RPS6KA2: variants seen among roughly 807,000 people sequenced by gnomAD.
RPS6KA2 encodes ribosomal protein S6 kinase A2.
A neutral mutation model predicts 91.8 loss-of-function variants in RPS6KA2; 42 were observed. That is an observed-to-expected ratio of 0.46 (90% CI 0.36 to 0.59). The LOEUF (loss-of-function observed/expected upper bound fraction) is 0.59. RPS6KA2 is among the 20% of genes least tolerant of loss of function. The pLI, the probability that RPS6KA2 is intolerant of heterozygous loss-of-function variation, is 0.00. For synonymous variants in RPS6KA2, 414 were observed against 393.6 expected (o/e 1.05, Z -0.61); for missense variants, 798 against 978.5 (o/e 0.82, Z 2.46).
chr6:166,804,818 C>T (rs1583138095), intron 2 of RPS6KA2, among the ~76,000 whole-genome samples: 2 of 152,242 alleles, frequency 1.3e-5, no homozygotes, highest in East Asian at 1.9e-4. Flanking sequence ...ACTAACAAGA[C>T]ATATGATCTG....
chr6:166,709,963 G>A (rs1262156781), intron 2 of RPS6KA2, among the ~76,000 whole-genome samples: 2 of 152,292 alleles, frequency 1.3e-5, no homozygotes, highest in African/African-American at 4.8e-5. Context: ...GAGGGTTTCA[G>A]TTTTCATGTA....
intron 14 of RPS6KA2, among the ~76,000 whole-genome samples, chr6:166,446,085 G>A (rs913142495): frequency 6.6e-6 from 1 of 152,230 alleles, no homozygotes; most frequent in Non-Finnish European, 1.5e-5. Context: ...ACAGTGCTCT[G>A]CACTGGGTCA....
intron 3 of RPS6KA2, among the ~76,000 whole-genome samples, chr6:166,517,537 G>A (rs1021078496): frequency 1.4e-5 from 2 of 139,592 alleles, no homozygotes; most frequent in Non-Finnish European, 1.5e-5. Context: ...CTGCAGTGGC[G>A]CAATCTCGGC....
chr6:166,645,174 C>T (rs1787569135), intron 2 of RPS6KA2, among the ~76,000 whole-genome samples: 1 of 152,148 alleles, frequency 6.6e-6, no homozygotes, highest in South Asian at 2.1e-4. Context: ...TTAAAGCTAG[C>T]TATTAAAGTT....
intron 2 of RPS6KA2, among the ~76,000 whole-genome samples, chr6:166,847,346 A>G (rs1327793045): frequency 6.6e-6 from 1 of 152,228 alleles, no homozygotes; most frequent in Non-Finnish European, 1.5e-5. Flanking sequence ...AAAGCAATCT[A>G]CAAATTCAAT....
At position 166,702,723 on chromosome 6, in the gene RPS6KA2, G is replaced by A. The variant is rs756187185; in HGVS notation, c.123+155477C>T. 2.1e-5 allele frequency: 27 copies of A among 1,272,208 alleles called. No individual in the cohort carries two copies. The African/African-American group carries it at 2.6e-4, about 12-fold the overall frequency. The allele number at this position is 1,272,208 out of a possible 1,614,324, so 78.8% of individuals were successfully genotyped here. A position where few individuals can be genotyped will look rare whatever the true frequency, so the allele number is the denominator to read the frequency against. ...TCTCGTCTGGGCAGTCCACGAACGC[G>A]TAGCCAATCTTCACCAGGAAGGGTC... On this transcript the variant is annotated intron_variant, in intron 2 of 21. Coordinates refer to the RPS6KA2 transcript ENST00000503859.
rs1047627603 is a variant in RPS6KA2, at chr6:166,626,147, A to G, written c.99+774T>C. On this transcript the variant is annotated intron_variant, in intron 1 of 20. Transcript: ENST00000265678. This position sits in a 1 kb window ranked among gnomAD's most constrained non-coding sequence, Gnocchi z 4.1. The stretch of plus-strand genomic sequence containing the variant: ...CGTTTCACTGTTTTGTCATCTATAG[A>G]TTCAACAATGTGATTTGGACACTGG... Among the ~76,000 whole-genome samples, 2 of 152,202 alleles carry G rather than the reference A, an allele frequency of 1.3e-5. No homozygotes were observed. Among genetic ancestry groups the G allele is most frequent in the African/African-American group, 4.8e-5 (2 of 41,452 alleles).
intron 2 of RPS6KA2, among the ~76,000 whole-genome samples, chr6:166,731,910 A>G (rs1168759150): frequency 6.6e-6 from 1 of 152,116 alleles, no homozygotes; most frequent in Non-Finnish European, 1.5e-5. Flanking sequence ...GCTCCTGAAT[A>G]AAACTAACTT....
At position 166,494,356 on chromosome 6, in the gene RPS6KA2, G is replaced by C. The variant is rs1282045431; in HGVS notation, c.748-3615C>G. ...CCTCACAACCGTCTACAGATGAATG[G>C]TCCAGTGGCAAGCAGCAGAGCCTGA... is the stretch of plus-strand genomic sequence containing the variant. On this transcript the variant is annotated intron_variant, in intron 8 of 20. Transcript: ENST00000265678. This position sits in a 1 kb window ranked among gnomAD's most constrained non-coding sequence, Gnocchi z 5.1. 6.6e-6 allele frequency among the ~76,000 whole-genome samples: 1 copy of C among 152,172 alleles called. No homozygotes were observed. The highest frequency in any genetic ancestry group is 1.5e-5 in the Non-Finnish European group (1 of 68,030).
chr6:166,604,100 A>C (rs1171919610), intron 1 of RPS6KA2, among the ~76,000 whole-genome samples: 2 of 152,238 alleles, frequency 1.3e-5, no homozygotes, highest in East Asian at 3.9e-4. Context: ...GCTCCAGAGA[A>C]GGTGCCTCTG....
chr6:166,713,465 T>C (rs1237620047), intron 2 of RPS6KA2, among the ~76,000 whole-genome samples: 1 of 152,306 alleles, frequency 6.6e-6, no homozygotes, highest in East Asian at 1.9e-4. Context: ...TGCACAAAAA[T>C]TATAGGACAC....
At chr6:166,804,548 T>C (rs936161599) in intron 2 of RPS6KA2, among the ~76,000 whole-genome samples, 4 of 149,934 alleles carry the variant, frequency 2.7e-5, no homozygotes, top group African/African-American at 4.9e-5. Context: ...CTTTCTGTTA[T>C]AGATAAATAA....
chr6:166,837,421 C>T (rs1488139802), intron 2 of RPS6KA2, among the ~76,000 whole-genome samples: 2 of 152,212 alleles, frequency 1.3e-5, no homozygotes, highest in Non-Finnish European at 2.9e-5. Context: ...ACCTCTTCCC[C>T]GAAGCAGGGC....
At chr6:166,601,833 T>G (rs930597793) in intron 1 of RPS6KA2, among the ~76,000 whole-genome samples, 1 of 152,148 alleles carries the variant, frequency 6.6e-6, no homozygotes, top group African/African-American at 2.4e-5. Flanking sequence ...AGAGTGAGGA[T>G]AGACTTCTTA....
At chr6:166,730,971 A>T (rs1790493506) in intron 2 of RPS6KA2, among the ~76,000 whole-genome samples, 1 of 152,232 alleles carries the variant, frequency 6.6e-6, no homozygotes, top group African/African-American at 2.4e-5. Flanking sequence ...CGCCGGGTGC[A>T]GTGGCTCTTG....
intron 2 of RPS6KA2, among the ~76,000 whole-genome samples, chr6:166,696,243 C>G (rs1177426188): frequency 1.3e-5 from 2 of 152,040 alleles, no homozygotes; most frequent in Non-Finnish European, 2.9e-5. Context: ...CACGTGAGAT[C>G]TGGGTGGTAG....
chr6:166,634,247 G>A (rs952268632), intron 2 of RPS6KA2, among the ~76,000 whole-genome samples: 1 of 152,214 alleles, frequency 6.6e-6, no homozygotes, highest in African/African-American at 2.4e-5. Context: ...CTCATGAAGA[G>A]CAAACCGCAG....
At chr6:166,601,193 T>C (rs1785717993) in intron 1 of RPS6KA2, among the ~76,000 whole-genome samples, 1 of 152,226 alleles carries the variant, frequency 6.6e-6, no homozygotes, top group South Asian at 2.1e-4. Context: ...TCAAGCCATA[T>C]TTCTCTACTT....
intron 2 of RPS6KA2, among the ~76,000 whole-genome samples, chr6:166,791,377 G>C (rs1036133586): frequency 2.0e-5 from 3 of 152,066 alleles, no homozygotes; most frequent in Non-Finnish European, 4.4e-5. Context: ...AGTCCTGAGT[G>C]ACCTACAAAG....
Sources: allele counts gnomAD v4.1 joint callset (sites outside exome capture counted in the v4.1 genomes callset), GRCh38; gene constraint gnomAD v4.1.1; non-coding constraint Gnocchi (gnomAD v3.1); transcripts MANE v1.5; gene names NCBI Gene and HGNC (gene_info 2026-07-23, HGNC 2026-07-21).